The following ANKMY1 variants were observed in gnomAD, a reference collection of about 807,000 sequenced individuals.
ANKMY1 encodes ankyrin repeat and MYND domain-containing protein 1.
Under a neutral mutation model 102.0 loss-of-function variants are expected in ANKMY1, and 98 were observed. The observed-to-expected ratio is 0.96, with a 90% CI of 0.82 to 1.14. The LOEUF (loss-of-function observed/expected upper bound fraction) is 1.14. ANKMY1 is among the 50% of genes most tolerant of loss of function. The pLI, the probability that ANKMY1 is intolerant of heterozygous loss-of-function variation, is 0.00. For synonymous variants in ANKMY1, 582 were observed against 559.9 expected (o/e 1.04, Z -0.56); for missense variants, 1,330 against 1,347.6 (o/e 0.99, Z 0.20).
At chr2:240,530,879 C>T (rs1323496382) in intron 4 of ANKMY1, among the ~76,000 whole-genome samples, 1 of 151,852 alleles carries the variant, frequency 6.6e-6, no homozygotes, top group Non-Finnish European at 1.5e-5. Context: ...CACCACTGCA[C>T]TCCAGCCTGG....
chr2:240,548,520 T>C (rs917906469), intron 4 of ANKMY1, among the ~76,000 whole-genome samples: 5 of 151,720 alleles, frequency 3.3e-5, no homozygotes, highest in African/African-American at 7.3e-5. Flanking sequence ...CCAGGGCAAT[T>C]AGGCAGGAGA....
the ANKMY1 span, among the ~76,000 whole-genome samples, chr2:240,472,662 T>C: frequency 5.3e-5 from 8 of 151,994 alleles, no homozygotes; most frequent in African/African-American, 4.8e-5. Flanking sequence ...CAAACCCCAC[T>C]GTAGACTCAG....
intron 13 of ANKMY1, 105 bp from the exon 14 acceptor site, chr2:240,500,670 G>T: frequency 1.1e-6 from 1 of 938,230 alleles, no homozygotes; most frequent in Non-Finnish European, 1.7e-6. Context: ...TCCCCACCAA[G>T]GCCGCCCTTG....
chr2:240,538,362 C>A (rs1269304277), intron 4 of ANKMY1, among the ~76,000 whole-genome samples: 1 of 152,138 alleles, frequency 6.6e-6, no homozygotes. Context: ...GCTCGGGGGG[C>A]CCACACTCAG....
At chr2:240,526,830 A>G (rs937144821) in intron 5 of ANKMY1, 2 of 1,185,672 alleles carry the variant, frequency 1.7e-6, no homozygotes, top group African/African-American at 3.2e-5. Context: ...ACCAACACCC[A>G]CATTCCACCC....
chr2:240,524,679 G>A (rs1012809554), intron 7 of ANKMY1, among the ~76,000 whole-genome samples: 12 of 152,358 alleles, frequency 7.9e-5, no homozygotes, highest in African/African-American at 2.6e-4. Flanking sequence ...TGAAGGAGAG[G>A]TTGGAAAACG....
chr2:240,524,233 G>C lies in ANKMY1; in HGVS notation c.1484C>G (p.Ser495Ter), dbSNP rs772312356. The change falls in exon 8 of 18, where the codon TCA (serine) becomes TGA (stop). Residue 495 changes from serine (S) to a stop codon, truncating the protein, a stop_gained. Coordinates refer to ENST00000401804, the MANE Select transcript of ANKMY1 (RefSeq NM_001282771.3). LOFTEE classifies it high-confidence loss of function. ...GAAGTGGCCGCCCTCGTGGCTGCCTGAGACGCGTGGCAGGAGCAGTGGTGC... is the reference window on the plus strand; with the variant it reads ...GAAGTGGCCGCCCTCGTGGCTGCCTCAGACGCGTGGCAGGAGCAGTGGTGC... ...PPAPLLLPRV[S>*]GSHEGGHFQD... is the part of the protein sequence containing the mutation. The C allele has an allele frequency of 5.6e-6, 9 of 1,613,862 alleles. No individual in the cohort carries two copies. The highest frequency in any genetic ancestry group is 3.3e-5 in the Admixed American group (2 of 60,030).
At position 240,529,320 on chromosome 2, in the gene ANKMY1, A is replaced by G; in HGVS notation, c.670T>C (p.Ser224Pro). ...CCCCACTCCGTTTTCTCCTCTTCTG[A>G]GAGGCTGATCCTGGCAGGGCTGTGG... ...ITHSPARISL[S>P]EEEKTEWGLQ... Residue 224 changes from serine to proline, a missense_variant, in exon 5 of 18, where the codon TCA becomes CCA. Physicochemically the swap from Ser to Pro is moderately conservative, Grantham distance 74. Coordinates refer to ENST00000401804, the MANE Select transcript of ANKMY1 (RefSeq NM_001282771.3). This position sits in a 1 kb window ranked among gnomAD's most constrained non-coding sequence, Gnocchi z 4.2. 1 of 1,614,152 alleles carries G rather than the reference A, an allele frequency of 6.2e-7. No individual in the cohort carries two copies. Among genetic ancestry groups the G allele is most frequent in the Non-Finnish European group, 8.5e-7 (1 of 1,180,036 alleles).
chr2:240,477,684 GTTA>G (rs2074947305), downstream of ANKMY1, among the ~76,000 whole-genome samples: 1 of 152,114 alleles, frequency 6.6e-6, no homozygotes, highest in Non-Finnish European at 1.5e-5. Context: ...ACCTCCCCCA[GTTA>G]TTTTTATCAC....
intron 4 of ANKMY1, among the ~76,000 whole-genome samples, chr2:240,545,520 G>A (rs2090156817): frequency 6.6e-6 from 1 of 152,232 alleles, no homozygotes. Context: ...GAATGACTTT[G>A]ACGAGCTGAG....
Position 240,535,488 on chromosome 2 carries a change from G to A in ANKMY1, c.481-5979C>T, listed in dbSNP as rs1244052642. Among the ~76,000 whole-genome samples, 4 of 152,204 alleles carry A rather than the reference G, an allele frequency of 2.6e-5. No homozygotes were observed. In the East Asian group the frequency reaches 7.7e-4, roughly 29 times the overall value. On this transcript the variant is annotated intron_variant, in intron 4 of 17. Coordinates refer to ENST00000401804, the MANE Select transcript of ANKMY1 (RefSeq NM_001282771.3). ...CTTAGGTGATTATCTCCTGCATCTGGAAAGAAAGGAAGGAAAACAAAGGGG... is the reference window on the plus strand; with the variant it reads ...CTTAGGTGATTATCTCCTGCATCTGAAAAGAAAGGAAGGAAAACAAAGGGG...
intron 11 of ANKMY1, 23 bp downstream of exon 11, chr2:240,511,838 C>T (rs746353865): frequency 9.6e-6 from 15 of 1,565,382 alleles, no homozygotes; most frequent in Admixed American, 7.3e-5. Flanking sequence ...CCTGTGCCCC[C>T]GCCAGGCCCT....
chr2:240,557,380 T>G (rs573403808), intron 1 of ANKMY1, 28 bp from the exon 2 acceptor site: 1 of 1,433,088 alleles, frequency 7.0e-7, no homozygotes, highest in South Asian at 1.5e-5. Flanking sequence ...ACCGCACATG[T>G]GCCCCCAGGG....
chr2:240,508,783 AAT>A (rs2079552089), intron 12 of ANKMY1, among the ~76,000 whole-genome samples: 1 of 140,384 alleles, frequency 7.1e-6, no homozygotes, highest in African/African-American at 2.7e-5. Context: ...TGAATGAATG[AAT>A]GGGTGGACGG....
chr2:240,512,989 G>C (rs368589235), intron 9 of ANKMY1, 47 bp from the exon 10 acceptor site: 4 of 1,587,728 alleles, frequency 2.5e-6, no homozygotes, highest in Non-Finnish European at 3.4e-6. Context: ...TTCTCGTAGG[G>C]AGAGACAGGT....
chr2:240,486,396 A>G (rs2076064506), intron 15 of ANKMY1, among the ~76,000 whole-genome samples: 1 of 152,256 alleles, frequency 6.6e-6, no homozygotes, highest in African/African-American at 2.4e-5. Flanking sequence ...AATTGCTTTT[A>G]AAGTCAATTA....
chr2:240,494,632 C>T (rs2077018680), intron 15 of ANKMY1, among the ~76,000 whole-genome samples: 1 of 152,128 alleles, frequency 6.6e-6, no homozygotes, highest in South Asian at 2.1e-4. Flanking sequence ...AAAATGGTGA[C>T]TTGCTGAGGC....
At chr2:240,505,590 G>C (rs909747290) in intron 13 of ANKMY1, among the ~76,000 whole-genome samples, 2 of 152,192 alleles carry the variant, frequency 1.3e-5, no homozygotes, top group South Asian at 4.1e-4. Context: ...GAGGGGGAGG[G>C]CAGGGGAGAC....
At chr2:240,515,268 A>G (rs567152960) in intron 9 of ANKMY1, among the ~76,000 whole-genome samples, 10 of 152,330 alleles carry the variant, frequency 6.6e-5, no homozygotes, top group East Asian at 1.9e-4. Context: ...TGGACGCGGT[A>G]TCTCACACCT....
Sources: allele counts gnomAD v4.1 joint callset (sites outside exome capture counted in the v4.1 genomes callset), GRCh38; gene constraint gnomAD v4.1.1; non-coding constraint Gnocchi (gnomAD v3.1); transcripts MANE v1.5; gene names NCBI Gene and HGNC (gene_info 2026-07-23, HGNC 2026-07-21).